The following NWD2 variants were observed in gnomAD, a reference collection of about 807,000 sequenced individuals.
NWD2 encodes NACHT and WD repeat domain containing 2, also known as NACHT and WD repeat domain-containing protein 2.
NWD2 carries 37 observed loss-of-function variants against 132.7 expected under a neutral mutation model. The ratio of observed to expected loss-of-function variants is 0.28; its 90% confidence interval spans 0.21 to 0.37. The LOEUF (loss-of-function observed/expected upper bound fraction) is 0.37, where lower values mean the gene tolerates loss of function less well. Ranked by LOEUF, NWD2 falls within the 10% of genes least tolerant of loss-of-function variation. The pLI, the probability that NWD2 is intolerant of heterozygous loss-of-function variation, is 1.00. For synonymous variants in NWD2, 705 were observed against 803.0 expected (o/e 0.88, Z 2.06); for missense variants, 1,592 against 2,122.4 (o/e 0.75, Z 4.91).
chr4:37,309,975 C>T (rs1342997), intron 1 of NWD2, among the ~76,000 whole-genome samples: 5,186 of 152,280 alleles, frequency 0.034, 303 homozygotes, highest in African/African-American at 0.12. Context: ...AGTTTTCTAG[C>T]TGGTGAAGAT....
At chr4:37,419,003 T>C (rs1264422947) in intron 3 of NWD2, among the ~76,000 whole-genome samples, 2 of 151,988 alleles carry the variant, frequency 1.3e-5, no homozygotes, top group Admixed American at 6.6e-5. Flanking sequence ...CAAACTATAC[T>C]ACAAGGCTAC....
intron 1 of NWD2, among the ~76,000 whole-genome samples, chr4:37,254,780 A>ACC (rs1377915830): frequency 6.6e-6 from 1 of 152,068 alleles, no homozygotes; most frequent in Non-Finnish European, 1.5e-5. Flanking sequence ...AGAGAATAAT[A>ACC]CCCCCCTTCT....
In NWD2 at chr4:37,444,581, A is replaced by G; in HGVS notation, c.2593A>G (p.Ile865Val). 3 of 1,551,946 alleles carry G rather than the reference A, an allele frequency of 1.9e-6. No individual in the cohort carries two copies. The highest frequency in any genetic ancestry group is 2.6e-6 in the Non-Finnish European group (3 of 1,147,058). ...IMNFSWLYTM[I>V]KIGQFDKVLS... ...GAACTTCAGCTGGCTTTATACCATGATCAAAATTGGCCAGTTTGACAAAGT... is the reference window on the plus strand; with the variant it reads ...GAACTTCAGCTGGCTTTATACCATGGTCAAAATTGGCCAGTTTGACAAAGT... The change falls in exon 7 of 7, where the codon ATC (isoleucine) becomes GTC (valine). Residue 865 changes from isoleucine (I) to valine (V), a missense_variant. Transcript: ENST00000309447. This position sits in a 1 kb window ranked among gnomAD's most constrained non-coding sequence, Gnocchi z 4.8.
intron 1 of NWD2, among the ~76,000 whole-genome samples, chr4:37,307,518 A>G (rs1382532316): frequency 6.6e-6 from 1 of 152,076 alleles, no homozygotes; most frequent in Non-Finnish European, 1.5e-5. Flanking sequence ...GGATTTCATT[A>G]TATGTGACTT....
At chr4:37,320,667 A>G (rs1393564361) in intron 1 of NWD2, among the ~76,000 whole-genome samples, 1 of 152,182 alleles carries the variant, frequency 6.6e-6, no homozygotes, top group Admixed American at 6.5e-5. Flanking sequence ...CTGCCAAACA[A>G]GAAATTAGCC....
chr4:37,354,408 AG>A (rs1719829013), intron 2 of NWD2, among the ~76,000 whole-genome samples: 1 of 152,186 alleles, frequency 6.6e-6, no homozygotes, highest in East Asian at 1.9e-4. Flanking sequence ...CAGAGCCGAT[AG>A]GCAGGAATGT....
At chr4:37,402,396 T>C (rs1182091101) in intron 3 of NWD2, among the ~76,000 whole-genome samples, 1 of 152,214 alleles carries the variant, frequency 6.6e-6, no homozygotes, top group Non-Finnish European at 1.5e-5. Flanking sequence ...TTTCCTTTTC[T>C]TTTTATCTTT....
intron 1 of NWD2, among the ~76,000 whole-genome samples, chr4:37,324,697 C>T (rs28733933): frequency 0.073 from 11,037 of 152,112 alleles, 1,190 homozygotes; most frequent in African/African-American, 0.23. Flanking sequence ...TTTGTTTAGA[C>T]CACAGACAAT....
At chr4:37,403,472 A>C (rs983143332) in intron 3 of NWD2, among the ~76,000 whole-genome samples, 1 of 152,174 alleles carries the variant, frequency 6.6e-6, no homozygotes, top group Non-Finnish European at 1.5e-5. Context: ...TCGTGCTCCT[A>C]GTACAGGGGG....
chr4:37,357,075 C>T (rs1229271937), intron 3 of NWD2, among the ~76,000 whole-genome samples: 2 of 152,042 alleles, frequency 1.3e-5, no homozygotes, highest in Admixed American at 1.3e-4. Flanking sequence ...ATACTCACTC[C>T]TCTGTGTTAG....
In NWD2 at chr4:37,334,520, A is replaced by G. The variant is rs150027314; in HGVS notation, c.240+8496A>G. 5.2e-3 allele frequency among the ~76,000 whole-genome samples: 791 copies of G among 152,210 alleles called. 13 individuals carry two copies. The highest frequency in any genetic ancestry group is 0.018 in the African/African-American group (749 of 41,518). The stretch of plus-strand genomic sequence containing the variant: ...CTAGCCACCCCACACCCTGTCCTTC[A>G]CAATCTAGCTGAAGGCCTAGCTTTC... On this transcript the variant is annotated intron_variant, in intron 2 of 6. Transcript: ENST00000309447.
intron 1 of NWD2, among the ~76,000 whole-genome samples, chr4:37,316,080 A>G (rs1232543927): frequency 6.6e-6 from 1 of 152,022 alleles, no homozygotes; most frequent in Non-Finnish European, 1.5e-5. Flanking sequence ...TTTTATACAT[A>G]CTTACATATT....
intron 4 of NWD2, among the ~76,000 whole-genome samples, chr4:37,431,044 G>A (rs545239315): frequency 6.6e-6 from 1 of 152,278 alleles, no homozygotes; most frequent in South Asian, 2.1e-4. Flanking sequence ...GAAGAAAAAG[G>A]AACCCTGTTA....
At chr4:37,421,701 C>A (rs947850406) in intron 3 of NWD2, among the ~76,000 whole-genome samples, 11 of 152,234 alleles carry the variant, frequency 7.2e-5, no homozygotes, top group African/African-American at 2.7e-4. Flanking sequence ...TAATCTATGA[C>A]TTGACCGCCT....
chr4:37,365,629 TG>T (rs768837845), intron 3 of NWD2, among the ~76,000 whole-genome samples: 1 of 152,230 alleles, frequency 6.6e-6, no homozygotes, highest in African/African-American at 2.4e-5. Context: ...CAATAATTAG[TG>T]ACTTGATATC....
At chr4:37,342,746 T>C (rs1016639719) in intron 2 of NWD2, among the ~76,000 whole-genome samples, 2 of 152,218 alleles carry the variant, frequency 1.3e-5, no homozygotes, top group African/African-American at 4.8e-5. Context: ...ATATTAGGAA[T>C]GTCCAGAGGC....
intron 1 of NWD2, among the ~76,000 whole-genome samples, chr4:37,257,647 T>TA (rs1225384171): frequency 1.3e-5 from 2 of 152,150 alleles, no homozygotes; most frequent in African/African-American, 4.8e-5. Flanking sequence ...ACTTCCTTCT[T>TA]AAAAAAACTA....
At chr4:37,403,668 C>T (rs1165044907) in intron 3 of NWD2, among the ~76,000 whole-genome samples, 2 of 144,394 alleles carry the variant, frequency 1.4e-5, no homozygotes, top group African/African-American at 5.0e-5. Flanking sequence ...CATAGATCAT[C>T]TTTGATAGCA....
At position 37,361,931 on chromosome 4, in the gene NWD2, C is replaced by T. The variant is rs141262565; in HGVS notation, c.357+5449C>T. On this transcript the variant is annotated intron_variant, in intron 3 of 6. Transcript: ENST00000309447. ...TTCTATACCTAGGAAATCATAAAGA[C>T]TCTTCCAAAGGGCTCCCATAACTGA... 6.6e-3 allele frequency among the ~76,000 whole-genome samples: 1,012 copies of T among 152,308 alleles called. 11 individuals are homozygous for T. Among genetic ancestry groups the T allele is most frequent in the African/African-American group, 0.023 (963 of 41,580 alleles).
Sources: allele counts gnomAD v4.1 joint callset (sites outside exome capture counted in the v4.1 genomes callset), GRCh38; gene constraint gnomAD v4.1.1; non-coding constraint Gnocchi (gnomAD v3.1); transcripts MANE v1.5; gene names NCBI Gene and HGNC (gene_info 2026-07-23, HGNC 2026-07-21).